The following NAALADL2 variants were observed in gnomAD, a reference collection of about 807,000 sequenced individuals.
The protein encoded by NAALADL2 is N-acetylated alpha-linked acidic dipeptidase like 2.
NAALADL2 carries 76 observed loss-of-function variants against 87.2 expected under a neutral mutation model. The observed-to-expected ratio is 0.87, with a 90% CI of 0.72 to 1.05. The LOEUF (loss-of-function observed/expected upper bound fraction) is 1.05, where lower values mean the gene tolerates loss of function less well. NAALADL2 is among the 50% of genes least tolerant of loss of function. The pLI is 0.00. For synonymous variants in NAALADL2, 354 were observed against 331.0 expected (o/e 1.07, Z -0.75); for missense variants, 1,089 against 945.8 (o/e 1.15, Z -1.99).
chr3:174,888,551 T>C (rs1387113084), intron 1 of NAALADL2, among the ~76,000 whole-genome samples: 1 of 152,220 alleles, frequency 6.6e-6, no homozygotes, highest in Non-Finnish European at 1.5e-5. Context: ...AATTTCCACA[T>C]ACAAAATGAT....
At chr3:174,891,514 G>A (rs1560330815) in intron 1 of NAALADL2, among the ~76,000 whole-genome samples, 1 of 152,084 alleles carries the variant, frequency 6.6e-6, no homozygotes, top group Non-Finnish European at 1.5e-5. Flanking sequence ...GAACACATTT[G>A]TGAGGCATTG....
intron 12 of NAALADL2, among the ~76,000 whole-genome samples, chr3:175,740,249 C>T (rs1745052560): frequency 6.6e-6 from 1 of 152,148 alleles, no homozygotes; most frequent in Non-Finnish European, 1.5e-5. Context: ...AGAGAATTGA[C>T]TAGTGGATTT....
At position 175,365,715 on chromosome 3, in the gene NAALADL2, G is replaced by T. The variant is rs1165576354; in HGVS notation, c.1090+41390G>T. Among the ~76,000 whole-genome samples, 4 of 146,960 alleles carry T rather than the reference G, an allele frequency of 2.7e-5. 2 individuals carry two copies. In the South Asian group the frequency reaches 8.9e-4, roughly 33 times the overall value. On this transcript the variant is annotated intron_variant, in intron 5 of 13. Transcript: ENST00000454872. The stretch of plus-strand genomic sequence containing the variant: ...AATTGTATGACCTAAAAAAATCTGA[G>T]ATACATAGGATCCAAGACATGCTTA...
intron 9 of NAALADL2, among the ~76,000 whole-genome samples, chr3:175,543,501 A>T (rs1304662976): frequency 1.3e-5 from 2 of 152,090 alleles, no homozygotes; most frequent in Non-Finnish European, 2.9e-5. Flanking sequence ...GGTTTAATGG[A>T]CTCACATGTC....
chr3:175,178,903 G>A (rs1195309037), intron 2 of NAALADL2, among the ~76,000 whole-genome samples: 3 of 151,844 alleles, frequency 2.0e-5, no homozygotes, highest in Non-Finnish European at 4.4e-5. Flanking sequence ...AGATTCAATA[G>A]CAGATTGGCT....
chr3:175,681,788 T>A (rs1444296437), intron 11 of NAALADL2, among the ~76,000 whole-genome samples: 1 of 152,184 alleles, frequency 6.6e-6, no homozygotes, highest in Admixed American at 6.5e-5. Context: ...GCTGTCTTAA[T>A]GGAGATCAAA....
At chr3:174,478,518 CT>C (rs1299744640) in intron 1 of NAALADL2, among the ~76,000 whole-genome samples, 1 of 151,900 alleles carries the variant, frequency 6.6e-6, no homozygotes, top group African/African-American at 2.4e-5. Context: ...ATTTCTCCCC[CT>C]AATTCTATAA....
intron 2 of NAALADL2, among the ~76,000 whole-genome samples, chr3:174,697,864 G>A (rs1578583596): frequency 6.6e-6 from 1 of 152,200 alleles, no homozygotes; most frequent in East Asian, 1.9e-4. Flanking sequence ...GGCCGAGGTG[G>A]GTGGATCACG....
intron 1 of NAALADL2, among the ~76,000 whole-genome samples, chr3:174,946,832 C>T (rs1739495292): frequency 6.6e-6 from 1 of 152,104 alleles, no homozygotes; most frequent in Admixed American, 6.6e-5. Flanking sequence ...TCTGCATACT[C>T]TCTTGCAATT....
intron 1 of NAALADL2, among the ~76,000 whole-genome samples, chr3:175,042,590 A>G (rs1042914513): frequency 2.6e-5 from 4 of 152,102 alleles, no homozygotes; most frequent in Non-Finnish European, 5.9e-5. Flanking sequence ...CATCCTCATC[A>G]TCACTTCTTA....
At chr3:175,216,893 T>G (rs1283472207) in intron 2 of NAALADL2, among the ~76,000 whole-genome samples, 2 of 152,072 alleles carry the variant, frequency 1.3e-5, no homozygotes, top group East Asian at 3.9e-4. Context: ...GGTCTCGAAC[T>G]CCTGACCTCG....
intron 1 of NAALADL2, among the ~76,000 whole-genome samples, chr3:174,895,693 C>A (rs192105987): frequency 2.6e-5 from 4 of 152,072 alleles, no homozygotes; most frequent in Non-Finnish European, 4.4e-5. Context: ...GCCATTATCA[C>A]CCTGATATCA....
At chr3:174,700,894 A>C (rs1426124562) in intron 2 of NAALADL2, among the ~76,000 whole-genome samples, 1 of 152,172 alleles carries the variant, frequency 6.6e-6, no homozygotes, top group Non-Finnish European at 1.5e-5. Context: ...GGATTCTAAC[A>C]AAGGCTCAGC....
At chr3:174,680,269 A>T (rs1281885336) in intron 2 of NAALADL2, among the ~76,000 whole-genome samples, 2 of 152,222 alleles carry the variant, frequency 1.3e-5, no homozygotes, top group African/African-American at 2.4e-5. Context: ...AAAGTACCTG[A>T]ACATTTGAAA....
intron 8 of NAALADL2, among the ~76,000 whole-genome samples, chr3:175,469,071 T>G (rs1450185154): frequency 2.0e-5 from 3 of 152,084 alleles, no homozygotes. Flanking sequence ...TGTTTATATA[T>G]GTATTTACAT....
intron 3 of NAALADL2, among the ~76,000 whole-genome samples, chr3:174,784,276 T>A (rs1471802389): frequency 6.6e-6 from 1 of 152,162 alleles, no homozygotes; most frequent in East Asian, 1.9e-4. Context: ...TAGGGAAAAT[T>A]ATACATATGC....
chr3:174,568,376 A>T (rs1228122731), intron 2 of NAALADL2, among the ~76,000 whole-genome samples: 2 of 151,824 alleles, frequency 1.3e-5, no homozygotes, highest in African/African-American at 4.8e-5. Flanking sequence ...TTATTTCTGA[A>T]TCTGTTTCAG....
intron 11 of NAALADL2, among the ~76,000 whole-genome samples, chr3:175,664,152 G>A (rs1004311805): frequency 6.6e-6 from 1 of 151,928 alleles, no homozygotes; most frequent in African/African-American, 2.4e-5. Flanking sequence ...TCTCCTAAAC[G>A]CTCATGCTCA....
At chr3:175,024,070 T>C (rs1751908759) in intron 1 of NAALADL2, among the ~76,000 whole-genome samples, 1 of 152,012 alleles carries the variant, frequency 6.6e-6, no homozygotes, top group Admixed American at 6.6e-5. Flanking sequence ...TTCTACCCTT[T>C]AGTTTTTTCT....
Sources: gnomAD v4.1 joint callset for allele counts (sites outside exome capture counted in the v4.1 genomes callset) on GRCh38, gnomAD v4.1.1 for gene constraint, MANE v1.5 for transcripts, NCBI Gene and HGNC (gene_info 2026-07-23, HGNC 2026-07-21) for gene names.